Variants in RGL1 observed in about 807,000 individuals in gnomAD.
RGL1 encodes ral guanine nucleotide dissociation stimulator-like 1.
RGL1 carries 24 observed loss-of-function variants against 95.2 expected under a neutral mutation model. The ratio of observed to expected loss-of-function variants is 0.25; its 90% CI spans 0.18 to 0.35. RGL1 has a LOEUF of 0.35. Ranked by LOEUF, RGL1 falls within the 10% of genes least tolerant of loss-of-function variation. RGL1 has a pLI of 1.00. For missense variants in RGL1, 715 were observed against 936.3 expected (o/e 0.76, Z 3.08); for synonymous variants, 329 against 344.9 (o/e 0.95, Z 0.51).
chr1:183,810,845 C>T (rs1661660590), intron 2 of RGL1, among the ~76,000 whole-genome samples: 3 of 152,182 alleles, frequency 2.0e-5, no homozygotes, highest in South Asian at 4.1e-4. Flanking sequence ...GATGAGGCGT[C>T]CCTTCTGTGT....
At chr1:183,702,551 GCTGT>G (rs1331985497) in intron 1 of RGL1, among the ~76,000 whole-genome samples, 3 of 152,174 alleles carry the variant, frequency 2.0e-5, no homozygotes, top group Non-Finnish European at 4.4e-5. Context: ...TGGTGACATG[GCTGT>G]CTATGAGGCT....
At chr1:183,696,378 A>G (rs1189381477) in intron 1 of RGL1, among the ~76,000 whole-genome samples, 1 of 152,180 alleles carries the variant, frequency 6.6e-6, no homozygotes, top group Non-Finnish European at 1.5e-5. Flanking sequence ...GATTCCAGAG[A>G]ATATTTTCTC....
chr1:183,679,034 G>A (rs1653021748), intron 1 of RGL1, among the ~76,000 whole-genome samples: 1 of 152,154 alleles, frequency 6.6e-6, no homozygotes, highest in Admixed American at 6.6e-5. Flanking sequence ...TAGGTCCTAA[G>A]CATATCAGAG....
chr1:183,795,236 T>C (rs1660638687), intron 2 of RGL1, among the ~76,000 whole-genome samples: 1 of 152,220 alleles, frequency 6.6e-6, no homozygotes, highest in African/African-American at 2.4e-5. Context: ...TGCTATGTGC[T>C]AGGCACAGTG....
chr1:183,891,544 T>A (rs1262662039), intron 8 of RGL1, among the ~76,000 whole-genome samples: 1 of 152,144 alleles, frequency 6.6e-6, no homozygotes, highest in Non-Finnish European at 1.5e-5. Flanking sequence ...CCCATCCGGT[T>A]CCACCATTCT....
rs568640823 is a variant in RGL1, at chr1:183,748,595, TG to T, written c.132+6311del. Among the ~76,000 whole-genome samples, 9 of 151,840 alleles carry T rather than the reference TG, an allele frequency of 5.9e-5. No homozygotes were observed. In the South Asian group the frequency reaches 1.9e-3, roughly 32 times the overall value. On this transcript the variant is annotated intron_variant, in intron 2 of 18. Transcript: ENST00000304685. ...TAATTTTTTATATTTTTAGTAGAGTTGGGGGTCTCACTGTGTTAGCCAGGAT... is the reference window on the plus strand; with the variant it reads ...TAATTTTTTATATTTTTAGTAGAGTTGGGGTCTCACTGTGTTAGCCAGGAT...
chr1:183,887,176 T>TTCTTTG (rs1450147998), intron 7 of RGL1, among the ~76,000 whole-genome samples: 1 of 1,156 alleles, frequency 8.7e-4, no homozygotes, highest in Non-Finnish European at 1.9e-3. Context: ...CCCTCCCTCT[T>TTCTTTG]TTCCTCCCTC....
chr1:183,922,079 C>T, intron 16 of RGL1, 143 bp from the exon 17 acceptor site: 1 of 667,178 alleles, frequency 1.5e-6, no homozygotes, highest in Non-Finnish European at 2.6e-6. Flanking sequence ...GGGATCCTGG[C>T]TCTTGGTCCA....
intron 1 of RGL1, among the ~76,000 whole-genome samples, chr1:183,703,858 T>C (rs181012758): frequency 3.3e-5 from 5 of 152,266 alleles, no homozygotes; most frequent in Admixed American, 1.3e-4. Flanking sequence ...CTGGGTGATT[T>C]CTTGAACACA....
chr1:183,856,155 T>C (rs1057481514), intron 3 of RGL1, among the ~76,000 whole-genome samples: 1 of 152,162 alleles, frequency 6.6e-6, no homozygotes, highest in Middle Eastern at 3.2e-3. Context: ...TGAGAATTTC[T>C]TAGTAAATGA....
At chr1:183,772,439 C>T (rs369467619) in intron 2 of RGL1, among the ~76,000 whole-genome samples, 3 of 152,112 alleles carry the variant, frequency 2.0e-5, no homozygotes, top group African/African-American at 7.2e-5. Context: ...TTTAAGCGGG[C>T]AGAAATGAGA....
At chr1:183,917,317 A>C (rs950320825) in intron 16 of RGL1, among the ~76,000 whole-genome samples, 1 of 152,206 alleles carries the variant, frequency 6.6e-6, no homozygotes, top group Non-Finnish European at 1.5e-5. Flanking sequence ...TATTTTTAAT[A>C]ATGGCAGTCT....
At chr1:183,726,327 G>T (rs1656310529) in intron 1 of RGL1, among the ~76,000 whole-genome samples, 1 of 151,840 alleles carries the variant, frequency 6.6e-6, no homozygotes, top group Non-Finnish European at 1.5e-5. Context: ...GAAGAACAAT[G>T]AAATCAAAAT....
chr1:183,648,613 C>T (rs765193470), intron 1 of RGL1: 1 of 1,614,166 alleles, frequency 6.2e-7, no homozygotes, highest in Non-Finnish European at 8.5e-7. Context: ...AATGTTGTCC[C>T]ATAAGGGAAT....
At chr1:183,738,145 T>A (rs1483850247) in intron 1 of RGL1, among the ~76,000 whole-genome samples, 1 of 152,124 alleles carries the variant, frequency 6.6e-6, no homozygotes, top group Non-Finnish European at 1.5e-5. Flanking sequence ...GCAGGCTGAG[T>A]GCGGTGGCTC....
rs555322974 is a variant in RGL1 at position 183,789,532 on chromosome 1, A to G, written c.133-16843A>G. Among the ~76,000 whole-genome samples, 4 of 152,370 alleles carry G rather than the reference A, an allele frequency of 2.6e-5. No homozygotes were observed. The East Asian group carries it at 7.7e-4, about 29-fold the overall frequency. On this transcript the variant is annotated intron_variant, in intron 2 of 18. Coordinates refer to the RGL1 transcript ENST00000304685. ...ATGTGTAGCACAGTGTCTGGTATATAGTGGTCACAAAATAAATATTCATTA... is the reference window on the plus strand; with the variant it reads ...ATGTGTAGCACAGTGTCTGGTATATGGTGGTCACAAAATAAATATTCATTA...
At chr1:183,860,773 C>G (rs1477096627) in intron 3 of RGL1, among the ~76,000 whole-genome samples, 3 of 152,208 alleles carry the variant, frequency 2.0e-5, no homozygotes, top group Non-Finnish European at 4.4e-5. Flanking sequence ...CTCCTCCGCA[C>G]TACCATGTAT....
intron 2 of RGL1, among the ~76,000 whole-genome samples, chr1:183,795,488 C>A (rs147256981): frequency 7.9e-5 from 12 of 152,198 alleles, no homozygotes; most frequent in East Asian, 1.9e-4. Context: ...AGATGGAGAA[C>A]CACATGAGCA....
intron 3 of RGL1, among the ~76,000 whole-genome samples, chr1:183,861,301 G>T (rs1665497138): frequency 6.6e-6 from 1 of 152,164 alleles, no homozygotes; most frequent in East Asian, 1.9e-4. Flanking sequence ...CTGTTGGGGA[G>T]CAAAGGTTAG....
Sources: allele counts gnomAD v4.1 joint callset (sites outside exome capture counted in the v4.1 genomes callset), GRCh38; gene constraint gnomAD v4.1.1; transcripts MANE v1.5; gene names NCBI Gene and HGNC (gene_info 2026-07-23, HGNC 2026-07-21).